The following LRRC37A2 variants were observed in gnomAD, a reference collection of about 807,000 sequenced individuals.
LRRC37A2 encodes leucine rich repeat containing 37 member A2, also known as leucine-rich repeat-containing protein 37A2.
Under a neutral mutation model 68.8 loss-of-function variants are expected in LRRC37A2, and 9 were observed. That is an observed-to-expected ratio of 0.13 (90% CI 0.08 to 0.23). LRRC37A2 has a LOEUF of 0.23. Among genes scored for constraint, LRRC37A2 ranks in the 10% least tolerant of loss-of-function variants. The pLI is 1.00. For missense variants in LRRC37A2, 168 were observed against 950.4 expected (o/e 0.18, Z 10.82); for synonymous variants, 63 against 367.6 (o/e 0.17, Z 9.48).
chr17:46,855,238 A>G, the LRRC37A2 span, among the ~76,000 whole-genome samples: 1 of 152,192 alleles, frequency 6.6e-6, no homozygotes, highest in Non-Finnish European at 1.5e-5. Context: ...GTGAGGGTGG[A>G]GGGAGCCTCC....
chr17:46,793,301 A>AAAAT, the LRRC37A2 span, among the ~76,000 whole-genome samples: 1 of 126,620 alleles, frequency 7.9e-6, no homozygotes. Context: ...AAAAAAAAAA[A>AAAAT]TGAGGGGAGA....
At chr17:46,516,389 A>G (rs2051324074) in intron 2 of LRRC37A2, among the ~76,000 whole-genome samples, 1 of 140,668 alleles carries the variant, frequency 7.1e-6, no homozygotes, top group Admixed American at 7.2e-5. Context: ...AATGCAGACC[A>G]TTGGTGCTAG....
chr17:46,823,206 AATATATT>A, the LRRC37A2 span, among the ~76,000 whole-genome samples: 15 of 128,284 alleles, frequency 1.2e-4, no homozygotes, highest in Admixed American at 7.2e-4. Flanking sequence ...ATTTATATAT[AATATATT>A]ATATATTATA....
chr17:47,024,602 C>A, the LRRC37A2 span: 1 of 961,158 alleles, frequency 1.0e-6, no homozygotes, highest in Non-Finnish European at 1.7e-6. Flanking sequence ...AGCTTTCCTC[C>A]ACATGCAGGA....
the LRRC37A2 span, among the ~76,000 whole-genome samples, chr17:46,667,487 TACC>T: frequency 7.0e-6 from 1 of 143,204 alleles, no homozygotes; most frequent in Non-Finnish European, 1.6e-5. Context: ...AAGAAATCTT[TACC>T]TTGCAAAACT....
the LRRC37A2 span, among the ~76,000 whole-genome samples, chr17:46,920,565 A>T: frequency 6.6e-6 from 1 of 152,196 alleles, no homozygotes; most frequent in Non-Finnish European, 1.5e-5. Context: ...CCTTGGGAGG[A>T]ATAGTAGATA....
chr17:46,743,697 T>TA, the LRRC37A2 span, among the ~76,000 whole-genome samples: 12 of 152,318 alleles, frequency 7.9e-5, no homozygotes, highest in South Asian at 2.5e-3. Context: ...TGCTCACTCT[T>TA]ACAACTGGCC....
chr17:46,939,926 C>A, the LRRC37A2 span: 1 of 1,000,348 alleles, frequency 1.0e-6, no homozygotes, highest in Non-Finnish European at 1.2e-6. Flanking sequence ...TTCTCATTTA[C>A]CACAGGCCTA....
chr17:46,757,823 G>A, the LRRC37A2 span, among the ~76,000 whole-genome samples: 2 of 151,982 alleles, frequency 1.3e-5, no homozygotes, highest in Non-Finnish European at 2.9e-5. Context: ...GTGAAACCCT[G>A]TCTCTACTAA....
chr17:46,801,556 G>T, the LRRC37A2 span, among the ~76,000 whole-genome samples: 1 of 152,168 alleles, frequency 6.6e-6, no homozygotes, highest in African/African-American at 2.4e-5. Context: ...GGAGGCGGAG[G>T]CTGCAGTGAG....
At chr17:46,995,247 C>T in the LRRC37A2 span, among the ~76,000 whole-genome samples, 268 of 152,314 alleles carry the variant, frequency 1.8e-3, 1 homozygote, top group Middle Eastern at 3.4e-3. Context: ...GCTGTCTAAG[C>T]CCCAGGACCT....
chr17:46,979,211 G>C, the LRRC37A2 span: 1 of 451,112 alleles, frequency 2.2e-6, no homozygotes, highest in Non-Finnish European at 3.9e-6. Flanking sequence ...CCGGAGGAGC[G>C]AGCAACAGGC....
the LRRC37A2 span, among the ~76,000 whole-genome samples, chr17:46,732,529 A>G: frequency 2.6e-5 from 4 of 152,286 alleles, no homozygotes; most frequent in African/African-American, 9.6e-5. Context: ...AAGTAAATGC[A>G]TAGATTTTTA....
At chr17:46,609,823 GTTTC>G in the LRRC37A2 span, among the ~76,000 whole-genome samples, 1 of 128,770 alleles carries the variant, frequency 7.8e-6, no homozygotes, top group Non-Finnish European at 1.7e-5. Context: ...GTGTCTCACT[GTTTC>G]TTTTTTTTTT....
the LRRC37A2 span, among the ~76,000 whole-genome samples, chr17:46,916,184 C>G: frequency 6.6e-6 from 1 of 152,238 alleles, no homozygotes; most frequent in African/African-American, 2.4e-5. Flanking sequence ...CCATTCAAGA[C>G]CATTATGCTG....
the LRRC37A2 span, among the ~76,000 whole-genome samples, chr17:46,842,188 C>A: frequency 6.6e-6 from 1 of 152,326 alleles, no homozygotes; most frequent in South Asian, 2.1e-4. Context: ...CAGGCCACTT[C>A]GCCTCTCTGT....
the LRRC37A2 span, among the ~76,000 whole-genome samples, chr17:46,814,194 C>G: frequency 5.3e-5 from 8 of 152,306 alleles, no homozygotes; most frequent in Non-Finnish European, 1.2e-4. Flanking sequence ...CTCTTGGCCC[C>G]GGAGCTGTTG....
At chr17:46,679,616 C>A in the LRRC37A2 span, among the ~76,000 whole-genome samples, 1 of 133,976 alleles carries the variant, frequency 7.5e-6, no homozygotes, top group Non-Finnish European at 1.6e-5. Context: ...TGCTTGAACC[C>A]GGGAGGCGGA....
rs1484335473 is a variant in LRRC37A2 at position 46,548,879 on chromosome 17, T to C, written c.3740T>C (p.Val1247Ala). 3 of 1,612,636 alleles carry C rather than the reference T, an allele frequency of 1.9e-6. No individual in the cohort carries two copies. The Admixed American group carries it at 5.0e-5, about 27-fold the overall frequency. The change falls in exon 10 of 15, where the codon GTG becomes GCG. Residue 1247 changes from valine to alanine, a missense_variant. Val to Ala is a moderately conservative substitution (Grantham distance 64, BLOSUM62 0). Coordinates refer to ENST00000576629, the Ensembl canonical transcript of LRRC37A2. ...CAAGAGCATAAGGCAGCAGTCTCTGTGCTGAAACCCTTCTCCAAGGGCGCG... is the reference window on the plus strand; with the variant it reads ...CAAGAGCATAAGGCAGCAGTCTCTGCGCTGAAACCCTTCTCCAAGGGCGCG...
Sources: allele counts gnomAD v4.1 joint callset (sites outside exome capture counted in the v4.1 genomes callset), GRCh38; gene constraint gnomAD v4.1.1; transcripts MANE v1.5; gene names NCBI Gene and HGNC (gene_info 2026-07-23, HGNC 2026-07-21).